NSMCE3: variants seen among roughly 807,000 people sequenced by gnomAD.
The protein encoded by NSMCE3 is non-structural maintenance of chromosomes element 3 homolog.
For synonymous variants in NSMCE3, 214 were observed against 172.2 expected (o/e 1.24, Z -1.90); for missense variants, 452 against 399.5 (o/e 1.13, Z -1.12).
chr15:29,269,328 G>A lies in NSMCE3; in HGVS notation c.378C>T (p.Leu126=). The change falls in exon 1 of 1, where the codon CTC becomes CTT. Residue 126 remains leucine (L), a synonymous_variant. Coordinates refer to ENST00000332303, the MANE Select transcript of NSMCE3 (RefSeq NM_138704.4). Reference sequence around the variant, plus strand: ...GGAGGCGCTCGGCGGCCCGTTTGAAGAGGTCGGGGAAGATGTCCTTGTAGT... The same window carrying A: ...GGAGGCGCTCGGCGGCCCGTTTGAAAAGGTCGGGGAAGATGTCCTTGTAGT... ...IGDYKDIFPD[L]FKRAAERLQY... 2 of 1,614,192 alleles carry A rather than the reference G, an allele frequency of 1.2e-6. No individual in the cohort carries two copies. Among genetic ancestry groups the A allele is most frequent in the Middle Eastern group, 1.6e-4 (1 of 6,062 alleles).
rs774959830 is a variant in NSMCE3 at position 29,269,263 on chromosome 15, T to G, written c.443A>C (p.Lys148Thr). ...FGYKLVELEP[K>T]SNTYILINTL... ...GTTGATGAGGATGTAAGTGTTGCTC[T>G]TGGGTTCAAGTTCCACCAGCTTATA... The change falls in exon 1 of 1, where the codon AAG (lysine) becomes ACG (threonine). Residue 148 changes from lysine to threonine, a missense_variant. Lys to Thr is a moderately conservative substitution (Grantham distance 78). Coordinates refer to ENST00000332303, the MANE Select transcript of NSMCE3 (RefSeq NM_138704.4). The G allele has an allele frequency of 1.9e-6, 3 of 1,614,056 alleles. No individual in the cohort carries two copies. In the African/African-American group the frequency reaches 4.0e-5, roughly 22 times the overall value.
In NSMCE3 at chr15:29,268,875, G is replaced by C; in HGVS notation, c.831C>G (p.Asp277Glu). 2 of 1,614,120 alleles carry C rather than the reference G, an allele frequency of 1.2e-6. No individual in the cohort carries two copies. Among genetic ancestry groups the C allele is most frequent in the Non-Finnish European group, 1.7e-6 (2 of 1,180,028 alleles). Residue 277 changes from aspartate (D) to glutamate (E), a missense_variant, in exon 1 of 1, where the codon GAC (aspartate) becomes GAG (glutamate). Asp to Glu is a conservative substitution (Grantham distance 45). Coordinates refer to ENST00000332303, the MANE Select transcript of NSMCE3 (RefSeq NM_138704.4). ...VAKVHNQDPK[D>E]WPAQYCEALA... Reference sequence around the variant, plus strand: ...AAGCCTCACAGTACTGCGCTGGCCAGTCCTTGGGGTCTTGATTATGGACCT... The same window carrying C: ...AAGCCTCACAGTACTGCGCTGGCCACTCCTTGGGGTCTTGATTATGGACCT...
In NSMCE3 at chr15:29,269,417, G is replaced by A. The variant is rs545165451; in HGVS notation, c.289C>T (p.Leu97=). Residue 97 remains leucine (L), a synonymous_variant, in exon 1 of 1, where the codon CTG becomes TTG. Coordinates refer to ENST00000332303, the MANE Select transcript of NSMCE3 (RefSeq NM_138704.4). The part of the protein sequence containing the change: ...LKVSELVQFL[L]IKDQKKIPIK... ...GGAATCTTCTTCTGGTCTTTAATCA[G>A]CAAGAACTGCACCAGCTCGGACACT... The A allele has an allele frequency of 1.2e-6, 2 of 1,614,134 alleles. No homozygotes were observed. Among genetic ancestry groups the A allele is most frequent in the South Asian group, 2.2e-5 (2 of 91,080 alleles).
rs533917093 is a variant in NSMCE3 at position 29,268,539 on chromosome 15, A to C, written c.*252T>G. The C allele has an allele frequency of 6.9e-5, 30 of 434,594 alleles. No homozygotes were observed. Among genetic ancestry groups the C allele is most frequent in the Non-Finnish European group, 1.1e-4 (28 of 248,088 alleles). The allele number at this position is 434,594 out of a possible 1,614,324, so 26.9% of individuals were successfully genotyped here. On this transcript the variant is annotated 3_prime_UTR_variant, in exon 1 of 1. Coordinates refer to ENST00000332303, the MANE Select transcript of NSMCE3 (RefSeq NM_138704.4). The stretch of plus-strand genomic sequence containing the variant: ...ATAGTCAAGTTTTCCAATTCGTTTT[A>C]CTAAGCTAGCAAAATTTTTTATACC...
chr15:29,269,548 C>T lies in NSMCE3; in HGVS notation c.158G>A (p.Gly53Glu). ...CTGCGACCCCTGCGAGCCGCCCGGC[C>T]CGCGGGACGTGCTCGGGGCCTCCTC... is the stretch of plus-strand genomic sequence containing the variant. ...FAEEAPSTSR[G>E]PGGSQGSQGP... Residue 53 changes from glycine (G) to glutamate (E), a missense_variant, in exon 1 of 1, where the codon GGG becomes GAG. Coordinates refer to ENST00000332303, the MANE Select transcript of NSMCE3 (RefSeq NM_138704.4). 6.6e-7 allele frequency: 1 copy of T among 1,512,728 alleles called. No individual in the cohort carries two copies. Among genetic ancestry groups the T allele is most frequent in the South Asian group, 1.2e-5 (1 of 80,112 alleles). 93.7% of individuals were successfully genotyped at this position (1,512,728 alleles called of 1,614,324 possible). A position where few individuals can be genotyped will look rare whatever the true frequency, so the allele number is the denominator to read the frequency against.
chr15:29,268,436 C>G lies in NSMCE3; in HGVS notation c.*355G>C. ...TTACAAACTGGGGTAGTTAGGAGAC[C>G]TGATAATAGCTTTTTTATTTTCTTG... On this transcript the variant is annotated 3_prime_UTR_variant, in exon 1 of 1. Transcript: ENST00000332303. 4.3e-6 allele frequency: 1 copy of G among 234,574 alleles called. No individual in the cohort carries two copies. The highest frequency in any genetic ancestry group is 8.7e-5 in the East Asian group (1 of 11,486). The allele number at this position is 234,574 out of a possible 1,614,324, so 14.5% of individuals were successfully genotyped here.
Position 29,268,501 on chromosome 15 carries a change from T to C in NSMCE3, c.*290A>G, listed in dbSNP as rs1367088145. ...TACTTATGTGTTCCTTCTTGCATTA[T>C]CTGTTCCAGATCATAGTCAAGTTTT... is the stretch of plus-strand genomic sequence containing the variant. On this transcript the variant is annotated 3_prime_UTR_variant, in exon 1 of 1. Transcript: ENST00000332303. 1.3e-5 allele frequency: 5 copies of C among 371,472 alleles called. No individual in the cohort carries two copies. The Admixed American group carries it at 1.7e-4, about 13-fold the overall frequency. 23.0% of individuals were successfully genotyped at this position (371,472 alleles called of 1,614,324 possible).
Position 29,268,540 on chromosome 15 carries a change from C to T in NSMCE3, c.*251G>A, listed in dbSNP as rs2043531428. 9.2e-6 allele frequency: 4 copies of T among 434,742 alleles called. No homozygotes were observed. The East Asian group carries it at 1.4e-4, about 15-fold the overall frequency. 26.9% of individuals were successfully genotyped at this position (434,742 alleles called of 1,614,324 possible). Reference sequence around the variant, plus strand: ...TAGTCAAGTTTTCCAATTCGTTTTACTAAGCTAGCAAAATTTTTTATACCA... The same window carrying T: ...TAGTCAAGTTTTCCAATTCGTTTTATTAAGCTAGCAAAATTTTTTATACCA... On this transcript the variant is annotated 3_prime_UTR_variant, in exon 1 of 1. Coordinates refer to ENST00000332303, the MANE Select transcript of NSMCE3 (RefSeq NM_138704.4).
At position 29,268,197 on chromosome 15, in the gene NSMCE3, G is replaced by A. The variant is rs1596143296; in HGVS notation, c.*594C>T. 6.6e-6 allele frequency: 1 copy of A among 152,000 alleles called. No homozygotes were observed. Among genetic ancestry groups the A allele is most frequent in the Admixed American group, 6.5e-5 (1 of 15,268 alleles). The allele number at this position is 152,000 out of a possible 1,614,324, so 9.4% of individuals were successfully genotyped here. A position where few individuals can be genotyped will look rare whatever the true frequency, so the allele number is the denominator to read the frequency against. On this transcript the variant is annotated 3_prime_UTR_variant, in exon 1 of 1. Coordinates refer to ENST00000332303, the MANE Select transcript of NSMCE3 (RefSeq NM_138704.4). ...TTTATTGTAATAACTACAGTAGCAA[G>A]AAGAAAAAAACGAAGTGGAACTACG... is the stretch of plus-strand genomic sequence containing the variant.
Position 29,269,317 on chromosome 15 carries a change from G to T in NSMCE3, c.389C>A (p.Ala130Asp), listed in dbSNP as rs555995547. 6.2e-7 allele frequency: 1 copy of T among 1,614,148 alleles called. No individual in the cohort carries two copies. Among genetic ancestry groups the T allele is most frequent in the Admixed American group, 1.7e-5 (1 of 60,026 alleles). The change falls in exon 1 of 1, where the codon GCC becomes GAC. Residue 130 changes from alanine to aspartate, a missense_variant. Ala to Asp is a moderately radical substitution (Grantham distance 126). Transcript: ENST00000332303. ...GAAGACGTACTGGAGGCGCTCGGCGGCCCGTTTGAAGAGGTCGGGGAAGAT... is the reference window on the plus strand; with the variant it reads ...GAAGACGTACTGGAGGCGCTCGGCGTCCCGTTTGAAGAGGTCGGGGAAGAT... ...KDIFPDLFKR[A>D]AERLQYVFGY...
Position 29,269,398 on chromosome 15 carries a change from T to A in NSMCE3, c.308A>T (p.Lys103Met), listed in dbSNP as rs766058423. The A allele has an allele frequency of 5.0e-6, 8 of 1,614,028 alleles. No individual in the cohort carries two copies. The highest frequency in any genetic ancestry group is 2.2e-5 in the East Asian group (1 of 44,844). ...VQFLLIKDQK[K>M]IPIKRADILK... is the part of the protein sequence containing the mutation. ...TATGTCGGCCCGCTTGATCGGAATC[T>A]TCTTCTGGTCTTTAATCAGCAAGAA... Residue 103 changes from lysine to methionine, a missense_variant, in exon 1 of 1, where the codon AAG (lysine) becomes ATG (methionine). Transcript: ENST00000332303.
Position 29,269,556 on chromosome 15 carries a change from C to A in NSMCE3, c.150G>T (p.Thr50=), listed in dbSNP as rs1203054783. 1 of 1,516,806 alleles carries A rather than the reference C, an allele frequency of 6.6e-7. No homozygotes were observed. Among genetic ancestry groups the A allele is most frequent in the East Asian group, 2.8e-5 (1 of 36,044 alleles). 94.0% of individuals were successfully genotyped at this position (1,516,806 alleles called of 1,614,324 possible). A position where few individuals can be genotyped will look rare whatever the true frequency, so the allele number is the denominator to read the frequency against. The part of the protein sequence containing the change: ...RDGFAEEAPS[T]SRGPGGSQGS... The stretch of plus-strand genomic sequence containing the variant: ...CCTGCGAGCCGCCCGGCCCGCGGGA[C>A]GTGCTCGGGGCCTCCTCGGCAAAGC... The change falls in exon 1 of 1, where the codon ACG becomes ACT. Residue 50 remains threonine (T), a synonymous_variant. Transcript: ENST00000332303.
chr15:29,267,940 T>C lies in NSMCE3; in HGVS notation c.*851A>G, dbSNP rs1048672125. 1 of 152,194 alleles carries C rather than the reference T, an allele frequency of 6.6e-6. No homozygotes were observed. Among genetic ancestry groups the C allele is most frequent in the Non-Finnish European group, 1.5e-5 (1 of 68,030 alleles). 9.4% of individuals were successfully genotyped at this position (152,194 alleles called of 1,614,324 possible). On this transcript the variant is annotated 3_prime_UTR_variant, in exon 1 of 1. Transcript: ENST00000332303. ...AGACAGTCCGATTCCCAAACAGGCA[T>C]GGTTAATGGTTACGCTATTGTTTTA...
rs1194534598 is a variant in NSMCE3, at chr15:29,267,177, C to T, written c.*1614G>A. 6.6e-6 allele frequency: 1 copy of T among 152,186 alleles called. No individual in the cohort carries two copies. Among genetic ancestry groups the T allele is most frequent in the Non-Finnish European group, 1.5e-5 (1 of 68,046 alleles). 9.4% of individuals were successfully genotyped at this position (152,186 alleles called of 1,614,324 possible). On this transcript the variant is annotated 3_prime_UTR_variant, in exon 1 of 1. Coordinates refer to ENST00000332303, the MANE Select transcript of NSMCE3 (RefSeq NM_138704.4). The stretch of plus-strand genomic sequence containing the variant: ...CACATTCCTCCATACTCACTATAGA[C>T]TCTTTTAAATGACATTCCGTCCAGT...
In NSMCE3 at chr15:29,268,846, G is replaced by A. The variant is rs375268217; in HGVS notation, c.860C>T (p.Ala287Val). The A allele has an allele frequency of 1.2e-6, 2 of 1,613,922 alleles. No homozygotes were observed. Among genetic ancestry groups the A allele is most frequent in the Non-Finnish European group, 1.7e-6 (2 of 1,179,984 alleles). Residue 287 changes from alanine (A) to valine (V), a missense_variant, in exon 1 of 1, where the codon GCA becomes GTA. Transcript: ENST00000332303. Reference protein sequence around the residue: ...DWPAQYCEALADEENRARPQP... With the variant: ...DWPAQYCEALVDEENRARPQP... ...AGGTCTGGCCCTGTTCTCCTCATCT[G>A]CCAAAGCCTCACAGTACTGCGCTGG...
rs781058298 is a variant in NSMCE3 at position 29,269,327 on chromosome 15, A to T, written c.379T>A (p.Phe127Ile). 3.1e-6 allele frequency: 5 copies of T among 1,614,142 alleles called. 1 individual carries two copies. The highest frequency in any genetic ancestry group is 4.2e-6 in the Non-Finnish European group (5 of 1,180,016). ...TGGAGGCGCTCGGCGGCCCGTTTGA[A>T]GAGGTCGGGGAAGATGTCCTTGTAG... The part of the protein sequence containing the change: ...GDYKDIFPDL[F>I]KRAAERLQYV... Residue 127 changes from phenylalanine to isoleucine, a missense_variant, in exon 1 of 1, where the codon TTC becomes ATC. Coordinates refer to ENST00000332303, the MANE Select transcript of NSMCE3 (RefSeq NM_138704.4).
In NSMCE3 at chr15:29,269,487, G is replaced by C; in HGVS notation, c.219C>G (p.Ala73=). ...GGCTCCTGGGCCCCACGGCGGGGGC[G>C]GCCTGGGCCCGGCGGGCGCCCTGAG... ...PSPQGARRAQ[A]APAVGPRSQK... The change falls in exon 1 of 1, where the codon GCC becomes GCG. Residue 73 remains alanine, a synonymous_variant. Coordinates refer to ENST00000332303, the MANE Select transcript of NSMCE3 (RefSeq NM_138704.4). 2 of 1,609,856 alleles carry C rather than the reference G, an allele frequency of 1.2e-6. No homozygotes were observed. Among genetic ancestry groups the C allele is most frequent in the South Asian group, 2.2e-5 (2 of 90,854 alleles).
Position 29,268,983 on chromosome 15 carries a change from G to C in NSMCE3, c.723C>G (p.Thr241=), listed in dbSNP as rs760911470. ...ACTGGAATTCGTAGTCGACGGGGTC[G>C]GTGTGGGGTATCCGCCGGTATTCCA... ...RYLEYRRIPH[T]DPVDYEFQWG... is the part of the protein sequence containing the mutation. Residue 241 remains threonine, a synonymous_variant, in exon 1 of 1, where the codon ACC becomes ACG. Coordinates refer to ENST00000332303, the MANE Select transcript of NSMCE3 (RefSeq NM_138704.4). 25 of 1,614,022 alleles carry C rather than the reference G, an allele frequency of 1.5e-5. No individual in the cohort carries two copies. Among genetic ancestry groups the C allele is most frequent in the Non-Finnish European group, 2.1e-5 (25 of 1,180,036 alleles).
chr15:29,269,732 A>G lies in NSMCE3; in HGVS notation c.-27T>C, dbSNP rs764555139. 15 of 1,471,990 alleles carry G rather than the reference A, an allele frequency of 1.0e-5. No homozygotes were observed. The highest frequency in any genetic ancestry group is 1.3e-5 in the Non-Finnish European group (15 of 1,119,062). The allele number at this position is 1,471,990 out of a possible 1,614,324, so 91.2% of individuals were successfully genotyped here. A position where few individuals can be genotyped will look rare whatever the true frequency, so the allele number is the denominator to read the frequency against. On this transcript the variant is annotated 5_prime_UTR_variant, in exon 1 of 1. Transcript: ENST00000332303. ...TCTCCGGCGGCAGGTGCCGGCGCAC[A>G]CTCCGGTAGGCAAGCAGCCGCGGCG...
Sources: allele counts gnomAD v4.1 joint callset, GRCh38; gene constraint gnomAD v4.1.1; transcripts MANE v1.5; gene names NCBI Gene and HGNC (gene_info 2026-07-23, HGNC 2026-07-21).